PLCL2: variants seen among roughly 807,000 people sequenced by gnomAD.
PLCL2 encodes the protein inactive phospholipase C-like protein 2.
PLCL2 carries 4 observed loss-of-function variants against 79.6 expected under a neutral mutation model. The observed-to-expected ratio is 0.05, with a 90% confidence interval of 0.02 to 0.11. PLCL2 has a LOEUF of 0.11. Among genes scored for constraint, PLCL2 ranks in the 10% least tolerant of loss-of-function variants. The pLI, the probability that PLCL2 is intolerant of heterozygous loss-of-function variation, is 1.00. For missense variants in PLCL2, 895 were observed against 1,291.0 expected, an observed-to-expected ratio of 0.69 and a Z score of 4.70; for synonymous variants, 484 against 457.7, an observed-to-expected ratio of 1.06 and a Z score of -0.73.
chr3:16,902,468 C>A (rs1185958371), intron 1 of PLCL2, among the ~76,000 whole-genome samples: 1 of 152,132 alleles, frequency 6.6e-6, no homozygotes, highest in Non-Finnish European at 1.5e-5. Flanking sequence ...TGCATGATTT[C>A]TATAGCAAGA....
At chr3:17,052,398 A>C (rs1199036196) in intron 4 of PLCL2, among the ~76,000 whole-genome samples, 2 of 152,128 alleles carry the variant, frequency 1.3e-5, no homozygotes, top group Non-Finnish European at 1.5e-5. Context: ...TATGTAGAAG[A>C]AGCAGTGCCC....
intron 3 of PLCL2, among the ~76,000 whole-genome samples, chr3:17,042,306 G>C (rs1047712471): frequency 6.6e-6 from 1 of 152,108 alleles, no homozygotes; most frequent in African/African-American, 2.4e-5. Context: ...TTTGGAACAA[G>C]AATTCAAATT....
At chr3:16,908,305 ATAT>A (rs1227993276) in intron 1 of PLCL2, among the ~76,000 whole-genome samples, 3 of 152,144 alleles carry the variant, frequency 2.0e-5, no homozygotes, top group African/African-American at 7.2e-5. Context: ...ACCATCCACA[ATAT>A]TATTATATCT....
intron 5 of PLCL2, among the ~76,000 whole-genome samples, chr3:17,075,873 A>G (rs986478319): frequency 6.6e-6 from 1 of 152,192 alleles, no homozygotes; most frequent in Non-Finnish European, 1.5e-5. Context: ...TTATTGCTAA[A>G]TAGTATTCTG....
intron 3 of PLCL2, among the ~76,000 whole-genome samples, chr3:17,031,508 T>G (rs1156434177): frequency 2.6e-5 from 4 of 152,150 alleles, no homozygotes; most frequent in African/African-American, 7.2e-5. Flanking sequence ...CGTGTAAACA[T>G]ATCATTAATG....
intron 1 of PLCL2, among the ~76,000 whole-genome samples, chr3:16,973,929 A>G (rs142367618): frequency 6.6e-6 from 1 of 152,368 alleles, no homozygotes; most frequent in East Asian, 1.9e-4. Flanking sequence ...TTGTGAGAAC[A>G]TATAGTAGGA....
At chr3:16,907,230 A>G (rs761073508) in intron 1 of PLCL2, among the ~76,000 whole-genome samples, 25 of 152,140 alleles carry the variant, frequency 1.6e-4, no homozygotes, top group Admixed American at 5.9e-4. Context: ...GGTGTTTTTC[A>G]TGATAGTCTA....
At chr3:16,899,932 C>G (rs1292585946) in intron 1 of PLCL2, among the ~76,000 whole-genome samples, 4 of 148,526 alleles carry the variant, frequency 2.7e-5, no homozygotes, top group African/African-American at 9.9e-5. Flanking sequence ...TTCAACATTC[C>G]CTGCTTTGCT....
intron 1 of PLCL2, among the ~76,000 whole-genome samples, chr3:16,986,524 C>T (rs981010800): frequency 6.6e-6 from 1 of 152,128 alleles, no homozygotes; most frequent in African/African-American, 2.4e-5. Context: ...GCCTCAGCCT[C>T]CTGAGTAGCT....
At chr3:17,050,836 A>G (rs1230776425) in intron 4 of PLCL2, among the ~76,000 whole-genome samples, 2 of 152,196 alleles carry the variant, frequency 1.3e-5, no homozygotes, top group African/African-American at 2.4e-5. Context: ...TCAAAGAGAT[A>G]CCTGCACTCC....
chr3:16,910,296 T>G (rs1210301712), intron 1 of PLCL2, among the ~76,000 whole-genome samples: 1 of 152,146 alleles, frequency 6.6e-6, no homozygotes, highest in Non-Finnish European at 1.5e-5. Context: ...AGGTCCTCAC[T>G]GTCACTTTTC....
chr3:17,012,327 TAA>T (rs2064335066), intron 2 of PLCL2, among the ~76,000 whole-genome samples, 167 bp downstream of exon 2: 1 of 152,228 alleles, frequency 6.6e-6, no homozygotes, highest in African/African-American at 2.4e-5. Flanking sequence ...TTTAACTTCC[TAA>T]AGGTACAGTT....
chr3:17,023,202 C>T (rs561772881), intron 3 of PLCL2, among the ~76,000 whole-genome samples: 6 of 152,332 alleles, frequency 3.9e-5, no homozygotes, highest in South Asian at 4.1e-4. Context: ...TCTGTTCTCT[C>T]GTCAAGAAAG....
At chr3:16,945,438 A>G (rs1172841341) in intron 1 of PLCL2, among the ~76,000 whole-genome samples, 1 of 152,126 alleles carries the variant, frequency 6.6e-6, no homozygotes, top group Non-Finnish European at 1.5e-5. Context: ...TTGTATATCC[A>G]CAGCACCTAG....
At chr3:17,020,483 A>G (rs1374967193) in intron 3 of PLCL2, among the ~76,000 whole-genome samples, 1 of 152,156 alleles carries the variant, frequency 6.6e-6, no homozygotes, top group African/African-American at 2.4e-5. Context: ...CAGAGATTAT[A>G]CGTGAATTCA....
Position 17,061,401 on chromosome 3 carries a change from T to TAAA in PLCL2, c.3095-6554_3095-6553insAAA, listed in dbSNP as rs2064952472. On this transcript the variant is annotated intron_variant, in intron 4 of 5. Coordinates refer to ENST00000615277, the MANE Select transcript of PLCL2 (RefSeq NM_001144382.2). Reference sequence around the variant, plus strand: ...AATTTCTCTTCACTATATCCCAGTATAGTTGTATGCAGTTGTACTAAATGT... The same window carrying TAAA: ...AATTTCTCTTCACTATATCCCAGTATAAAAGTTGTATGCAGTTGTACTAAATGT... Among the ~76,000 whole-genome samples, 6 of 152,344 alleles carry TAAA rather than the reference T, an allele frequency of 3.9e-5. No individual in the cohort carries two copies. In the South Asian group the frequency reaches 1.2e-3, roughly 32 times the overall value.
intron 1 of PLCL2, among the ~76,000 whole-genome samples, chr3:16,906,704 A>C (rs909049485): frequency 2.0e-5 from 3 of 152,254 alleles, no homozygotes; most frequent in African/African-American, 7.2e-5. Flanking sequence ...ATAAAGCTTC[A>C]TAAATTAGTT....
chr3:17,050,107 G>T (rs939150915), intron 4 of PLCL2, among the ~76,000 whole-genome samples: 1 of 152,148 alleles, frequency 6.6e-6, no homozygotes, highest in East Asian at 1.9e-4. Flanking sequence ...AGTAAATCGT[G>T]CAGGGAAAAC....
At chr3:16,961,054 G>A (rs1001253415) in intron 1 of PLCL2, among the ~76,000 whole-genome samples, 1 of 152,152 alleles carries the variant, frequency 6.6e-6, no homozygotes, top group African/African-American at 2.4e-5. Flanking sequence ...TGGAATTAAA[G>A]CAATGTTTTC....
Sources: allele counts gnomAD v4.1 joint callset (sites outside exome capture counted in the v4.1 genomes callset), GRCh38; gene constraint gnomAD v4.1.1; transcripts MANE v1.5; gene names NCBI Gene and HGNC (gene_info 2026-07-23, HGNC 2026-07-21).